Variants in TBC1D31 observed in about 807,000 individuals in gnomAD.
The protein encoded by TBC1D31 is TBC1 domain family member 31, also known as WD repeat domain 67.
TBC1D31 carries 99 observed loss-of-function variants against 132.9 expected under a neutral mutation model. That is an observed-to-expected ratio of 0.74 (90% CI 0.63 to 0.88). The LOEUF is 0.88. TBC1D31 is among the 40% of genes least tolerant of loss of function. The pLI is 0.00. For synonymous variants in TBC1D31, 385 were observed against 419.4 expected, an observed-to-expected ratio of 0.92 and a Z score of 1.00; for missense variants, 1,134 against 1,256.6, an observed-to-expected ratio of 0.90 and a Z score of 1.48.
chr8:123,123,364 C>T (rs553479709), intron 11 of TBC1D31: 3 of 184,710 alleles, frequency 1.6e-5, no homozygotes, highest in Admixed American at 1.6e-4. Flanking sequence ...CAAAGAAGTT[C>T]GAGGATCCCA....
rs377257419 is a variant in TBC1D31 at position 123,120,125 on chromosome 8, C to T, written c.1507C>T (p.Pro503Ser). Residue 503 changes from proline (P) to serine (S), a missense_variant, in exon 11 of 22, where the codon CCA becomes TCA. Transcript: ENST00000287380. Reference sequence around the variant, plus strand: ...ACCATATCTTCCACTCTTGGCATTTCCATTTGTAAAATTATTCCAGAACAA... The same window carrying T: ...ACCATATCTTCCACTCTTGGCATTTTCATTTGTAAAATTATTCCAGAACAA... ...DTPYLPLLAF[P>S]FVKLFQNNQL... 14 of 1,610,940 alleles carry T rather than the reference C, an allele frequency of 8.7e-6. No individual in the cohort carries two copies. The highest frequency in any genetic ancestry group is 1.2e-5 in the Non-Finnish European group (14 of 1,178,298).
chr8:123,105,259 A>AATAT (rs769323255), intron 7 of TBC1D31, 29 bp from the exon 8 acceptor site: 5 of 1,457,024 alleles, frequency 3.4e-6, no homozygotes, highest in Middle Eastern at 1.8e-4. Flanking sequence ...TATCCATTAG[A>AATAT]ATATATATAT....
At chr8:123,109,256 T>A (rs1818236256) in intron 8 of TBC1D31, 61 bp from the exon 9 acceptor site, 1 of 1,244,852 alleles carries the variant, frequency 8.0e-7, no homozygotes, top group South Asian at 1.3e-5. Flanking sequence ...CTAGATTACC[T>A]TTGTCACCTT....
At chr8:123,162,017 C>CAA in the TBC1D31 span, among the ~76,000 whole-genome samples, 4,153 of 76,050 alleles carry the variant, frequency 0.055, 380 homozygotes, top group African/African-American at 0.2. Flanking sequence ...GAGTCCGACT[C>CAA]AAAAAAAAAA....
chr8:123,144,867 A>G lies in TBC1D31; in HGVS notation c.2974+12A>G, dbSNP rs769202451. ...TCCATGTCATAAAGGTGAGTGTCTG[A>G]GAGGCCTTTCTCTCCATGATGTTAC... On this transcript the variant is annotated intron_variant, in intron 20 of 21. Transcript: ENST00000287380. 1.2e-6 allele frequency: 2 copies of G among 1,602,174 alleles called. No homozygotes were observed. Among genetic ancestry groups the G allele is most frequent in the African/African-American group, 2.7e-5 (2 of 74,076 alleles).
intron 8 of TBC1D31, among the ~76,000 whole-genome samples, chr8:123,108,697 G>C (rs141356729): frequency 1.6e-3 from 238 of 152,224 alleles, no homozygotes; most frequent in African/African-American, 5.1e-3. Context: ...GCCTGTATTA[G>C]TCTGTTTTCA....
chr8:123,092,150 G>T (rs1816388687), intron 4 of TBC1D31, among the ~76,000 whole-genome samples: 1 of 152,062 alleles, frequency 6.6e-6, no homozygotes, highest in African/African-American at 2.4e-5. Context: ...GAGTAGCTGG[G>T]ATTACAGGCG....
chr8:123,076,859 G>T (rs1814575131), intron 1 of TBC1D31, among the ~76,000 whole-genome samples: 1 of 151,998 alleles, frequency 6.6e-6, no homozygotes, highest in Admixed American at 6.6e-5. Context: ...TTAGCACCTG[G>T]CTTGTTCTGT....
At chr8:123,120,006 G>T in intron 10 of TBC1D31, 49 bp from the exon 11 acceptor site, 8 of 1,432,420 alleles carry the variant, frequency 5.6e-6, no homozygotes, top group Non-Finnish European at 6.5e-6. Context: ...ATCATGTGAA[G>T]ATATTATTTA....
At chr8:123,163,231 A>G in the TBC1D31 span, among the ~76,000 whole-genome samples, 1 of 151,638 alleles carries the variant, frequency 6.6e-6, no homozygotes, top group Non-Finnish European at 1.5e-5. Flanking sequence ...TTTATTTTTT[A>G]AACAGCTTTA....
chr8:123,122,006 C>A (rs1369624477), intron 11 of TBC1D31, among the ~76,000 whole-genome samples: 1 of 152,166 alleles, frequency 6.6e-6, no homozygotes, highest in Non-Finnish European at 1.5e-5. Flanking sequence ...CCACTTCATA[C>A]CTACTAGGAC....
At chr8:123,145,869 T>C (rs1465008675) in intron 20 of TBC1D31, among the ~76,000 whole-genome samples, 3 of 144,234 alleles carry the variant, frequency 2.1e-5, no homozygotes, top group African/African-American at 7.9e-5. Context: ...CTTTCTCTTT[T>C]TCTTTTTTTT....
At position 123,126,559 on chromosome 8, in the gene TBC1D31, G is replaced by A; in HGVS notation, c.1756G>A (p.Glu586Lys). The change falls in exon 13 of 22, where the codon GAG (glutamate) becomes AAG (lysine). Residue 586 changes from glutamate to lysine, a missense_variant. By Grantham distance (56) the Glu-to-Lys change is moderately conservative. Transcript: ENST00000287380. ...ETVFSEVLTR[E>K]EWLKLFDNIF... ...TGTGTTCTCAGAAGTGCTGACAAGA[G>A]AGGAGTGGCTGAAATTGTTCGATAA... is the stretch of plus-strand genomic sequence containing the variant. 6.2e-7 allele frequency: 1 copy of A among 1,614,108 alleles called. No homozygotes were observed. The highest frequency in any genetic ancestry group is 2.2e-5 in the East Asian group (1 of 44,872).
At chr8:123,081,939 C>G (rs1405249321) in intron 2 of TBC1D31, among the ~76,000 whole-genome samples, 6 of 152,184 alleles carry the variant, frequency 3.9e-5, no homozygotes, top group Admixed American at 6.5e-5. Flanking sequence ...GGGACAGAGC[C>G]AAAGCGTATC....
At chr8:123,085,642 CTTGTG>C (rs1586568474) in intron 4 of TBC1D31, among the ~76,000 whole-genome samples, 1 of 152,268 alleles carries the variant, frequency 6.6e-6, no homozygotes, top group East Asian at 1.9e-4. Context: ...ATCTCCTGAC[CTTGTG>C]ATCCACCCGC....
intron 18 of TBC1D31, 127 bp from the exon 19 acceptor site, chr8:123,142,135 G>A (rs533379407): frequency 8.4e-6 from 5 of 596,428 alleles, no homozygotes; most frequent in African/African-American, 7.7e-5. Context: ...ACACTCCCAG[G>A]TGATTCTAAT....
rs1820286407 is a variant in TBC1D31 at position 123,128,348 on chromosome 8, AG to A, written c.1953del (p.Thr652ProfsTer18). The A allele has an allele frequency of 6.2e-7, 1 of 1,613,534 alleles. No homozygotes were observed. Among genetic ancestry groups the A allele is most frequent in the Admixed American group, 1.7e-5 (1 of 59,986 alleles). On this transcript the variant is annotated frameshift_variant, in exon 14 of 22. Coordinates refer to ENST00000287380, the MANE Select transcript of TBC1D31 (RefSeq NM_145647.4). LOFTEE classifies it high-confidence loss of function. Reference sequence around the variant, plus strand: ...ATTAGACAAGTTTATCATCTCATGGAGACCACGCCTACTGACATTCATCCAG... The same window carrying A: ...ATTAGACAAGTTTATCATCTCATGGAACCACGCCTACTGACATTCATCCAG... ...VVIRQVYHLM[E>X]TTPTDIHPDS... is the part of the protein sequence containing the mutation.
intron 20 of TBC1D31, among the ~76,000 whole-genome samples, chr8:123,145,243 T>C (rs1822081685): frequency 6.6e-6 from 1 of 152,206 alleles, no homozygotes; most frequent in African/African-American, 2.4e-5. Context: ...ATTATTGGGA[T>C]GTATTTTGGC....
In TBC1D31 at chr8:123,082,698, A is replaced by G; in HGVS notation, c.225-4A>G. The G allele has an allele frequency of 3.1e-6, 5 of 1,594,532 alleles. No homozygotes were observed. In the East Asian group the frequency reaches 1.1e-4, roughly 36 times the overall value. The stretch of plus-strand genomic sequence containing the variant: ...GTGATACTAATGCAATGATCTCTTA[A>G]TAGGTTCAATCTTGTTCAGCGAACA... On this transcript the variant is annotated splice_region_variant and splice_polypyrimidine_tract_variant and intron_variant, in intron 2 of 21. Coordinates refer to ENST00000287380, the MANE Select transcript of TBC1D31 (RefSeq NM_145647.4).
Sources: allele counts gnomAD v4.1 joint callset (sites outside exome capture counted in the v4.1 genomes callset), GRCh38; gene constraint gnomAD v4.1.1; transcripts MANE v1.5; gene names NCBI Gene and HGNC (gene_info 2026-07-23, HGNC 2026-07-21).